The following SLC30A7 variants were observed in gnomAD, a reference collection of about 807,000 sequenced individuals.
SLC30A7 encodes the protein solute carrier family 30 member 7.
SLC30A7 carries 35 observed loss-of-function variants against 46.0 expected under a neutral mutation model. The observed-to-expected ratio is 0.76, with a 90% CI of 0.58 to 1.01. The LOEUF (loss-of-function observed/expected upper bound fraction) is 1.01. Ranked by LOEUF, SLC30A7 falls within the 50% of genes least tolerant of loss-of-function variation. The pLI is 0.00. For missense variants in SLC30A7, 464 were observed against 451.1 expected (o/e 1.03, Z -0.26); for synonymous variants, 147 against 157.8 (o/e 0.93, Z 0.51).
In SLC30A7 at chr1:100,972,867, G is replaced by C. The variant is rs1368379268; in HGVS notation, c.1084-1943G>C. Among the ~76,000 whole-genome samples, 7 of 152,146 alleles carry C rather than the reference G, an allele frequency of 4.6e-5. No homozygotes were observed. In the South Asian group the frequency reaches 1.5e-3, roughly 32 times the overall value. ...GGATGAATATGTAACAATTGTGTGA[G>C]ATTAGTAGGGCTGGTGTTTATCAAT... On this transcript the variant is annotated intron_variant, in intron 10 of 10. Transcript: ENST00000357650.
At chr1:100,921,986 C>G in intron 8 of SLC30A7, 145 bp downstream of exon 8, 2 of 739,486 alleles carry the variant, frequency 2.7e-6, no homozygotes, top group Non-Finnish European at 4.1e-6. Flanking sequence ...CAGAGTCTCG[C>G]TCTGTCACCC....
At chr1:100,932,831 C>T (rs1653735391) in intron 8 of SLC30A7, among the ~76,000 whole-genome samples, 2 of 152,118 alleles carry the variant, frequency 1.3e-5, no homozygotes, top group African/African-American at 4.8e-5. Context: ...TAATCAAGGG[C>T]CCCCTCTTCT....
chr1:100,990,551 G>A, the SLC30A7 span: 1 of 1,614,064 alleles, frequency 6.2e-7, no homozygotes, highest in South Asian at 1.1e-5. Flanking sequence ...GTGCACATTT[G>A]CCTTAAAGTG....
At chr1:100,984,063 A>G (rs1015751285), downstream of SLC30A7, among the ~76,000 whole-genome samples, 3 of 152,234 alleles carry the variant, frequency 2.0e-5, no homozygotes, top group African/African-American at 7.2e-5. Context: ...TTGTAGTTAC[A>G]TTAGTTGGAG....
intron 2 of SLC30A7, among the ~76,000 whole-genome samples, chr1:100,905,254 G>A (rs1410509064): frequency 6.6e-6 from 1 of 151,670 alleles, no homozygotes; most frequent in Non-Finnish European, 1.5e-5. Flanking sequence ...GGCTTGAATA[G>A]TTTCTGAAGA....
Position 100,934,324 on chromosome 1 carries a change from T to G in SLC30A7, c.842+12483T>G, listed in dbSNP as rs115310345. On this transcript the variant is annotated intron_variant, in intron 8 of 10. Coordinates refer to ENST00000357650, the MANE Select transcript of SLC30A7 (RefSeq NM_133496.5). ...AAGAATTCTCAGAATATGGCCTACT[T>G]CAAGGATATAGAGACAGGAAGTTAT... Among the ~76,000 whole-genome samples, 1,366 of 152,274 alleles carry G rather than the reference T, an allele frequency of 9.0e-3. 31 individuals are homozygous for G. The highest frequency in any genetic ancestry group is 0.032 in the African/African-American group (1,318 of 41,552).
intron 2 of SLC30A7, among the ~76,000 whole-genome samples, chr1:100,900,277 A>G (rs1570497046): frequency 6.6e-6 from 1 of 152,320 alleles, no homozygotes; most frequent in African/African-American, 2.4e-5. Flanking sequence ...TCCCTTAGAC[A>G]TAGAAGACAC....
At chr1:100,963,013 A>G (rs982013036) in intron 9 of SLC30A7, among the ~76,000 whole-genome samples, 2 of 152,104 alleles carry the variant, frequency 1.3e-5, no homozygotes, top group Admixed American at 6.5e-5. Context: ...GAGGATGGAA[A>G]ATCTCCCCAA....
the SLC30A7 span, chr1:100,990,557 A>G: frequency 1.2e-6 from 2 of 1,614,020 alleles, no homozygotes; most frequent in African/African-American, 1.3e-5. Context: ...ATTTGCCTTA[A>G]AGTGCCTGCT....
rs1656369669 is a variant in SLC30A7, at chr1:100,974,827, C to G, written c.1101C>G (p.Leu367=). Residue 367 remains leucine, a synonymous_variant, in exon 11 of 11, where the codon CTC becomes CTG. Coordinates refer to ENST00000357650, the MANE Select transcript of SLC30A7 (RefSeq NM_133496.5). ...CTTTTCAGGCTGGAGTGAGACAGCTCTACGTACAGATTGACTTTGCAGCCA... is the reference window on the plus strand; with the variant it reads ...CTTTTCAGGCTGGAGTGAGACAGCTGTACGTACAGATTGACTTTGCAGCCA... ...NIFTQAGVRQ[L]YVQIDFAAM 1 of 1,594,362 alleles carries G rather than the reference C, an allele frequency of 6.3e-7. No individual in the cohort carries two copies. Among genetic ancestry groups the G allele is most frequent in the African/African-American group, 1.3e-5 (1 of 74,430 alleles).
At chr1:100,937,448 G>T (rs1403323943) in intron 8 of SLC30A7, among the ~76,000 whole-genome samples, 3 of 151,944 alleles carry the variant, frequency 2.0e-5, no homozygotes, top group Admixed American at 2.0e-4. Flanking sequence ...GTTATTTTCT[G>T]TTTTGTTTTG....
the SLC30A7 span, among the ~76,000 whole-genome samples, chr1:100,986,976 T>C: frequency 6.6e-6 from 1 of 152,238 alleles, no homozygotes; most frequent in African/African-American, 2.4e-5. Flanking sequence ...GAGAACAGAC[T>C]GAAAACACTA....
At chr1:100,917,164 C>T (rs959205295) in intron 6 of SLC30A7, among the ~76,000 whole-genome samples, 1 of 152,140 alleles carries the variant, frequency 6.6e-6, no homozygotes. Flanking sequence ...CTTTTTTGCT[C>T]ACATGCATCC....
At chr1:100,930,577 G>C (rs997423189) in intron 8 of SLC30A7, among the ~76,000 whole-genome samples, 9 of 149,470 alleles carry the variant, frequency 6.0e-5, no homozygotes, top group Non-Finnish European at 7.5e-5. Flanking sequence ...TAAGCAAAAA[G>C]TAAGCATTTT....
chr1:100,920,596 A>G (rs1652873943), intron 7 of SLC30A7, among the ~76,000 whole-genome samples: 1 of 152,028 alleles, frequency 6.6e-6, no homozygotes. Flanking sequence ...AATTTCCATC[A>G]GTGGCAGATA....
intron 10 of SLC30A7, among the ~76,000 whole-genome samples, chr1:100,972,957 A>G (rs1445215988): frequency 6.6e-6 from 1 of 152,046 alleles, no homozygotes; most frequent in Non-Finnish European, 1.5e-5. Context: ...ACAGATACTG[A>G]ATTCTGTCTT....
At chr1:100,960,181 C>T (rs979107946) in intron 8 of SLC30A7, among the ~76,000 whole-genome samples, 2 of 152,172 alleles carry the variant, frequency 1.3e-5, no homozygotes, top group Non-Finnish European at 2.9e-5. Flanking sequence ...ATCTGTTTGT[C>T]CTTAACATTG....
chr1:100,903,579 G>A (rs1651447171), intron 2 of SLC30A7, among the ~76,000 whole-genome samples: 1 of 152,042 alleles, frequency 6.6e-6, no homozygotes, highest in Admixed American at 6.6e-5. Context: ...CTTTGAGTTA[G>A]ATGTCAGATG....
At chr1:100,989,781 T>C in the SLC30A7 span, 1 of 152,342 alleles carries the variant, frequency 6.6e-6, no homozygotes, top group Non-Finnish European at 1.5e-5. Flanking sequence ...TAAAAACTGC[T>C]CTTAAATGAT....
Sources: allele counts gnomAD v4.1 joint callset (sites outside exome capture counted in the v4.1 genomes callset), GRCh38; gene constraint gnomAD v4.1.1; transcripts MANE v1.5; gene names NCBI Gene and HGNC (gene_info 2026-07-23, HGNC 2026-07-21).